Variants in NRAP observed in about 807,000 individuals in gnomAD.
NRAP encodes the protein nebulin-related-anchoring protein.
NRAP carries 189 observed loss-of-function variants against 225.9 expected under a neutral mutation model. The ratio of observed to expected loss-of-function variants is 0.84; its 90% CI spans 0.74 to 0.94. The LOEUF (loss-of-function observed/expected upper bound fraction) is 0.94. NRAP is among the 40% of genes least tolerant of loss of function. The probability of loss-of-function intolerance (pLI) is 0.00; values close to 1 mark genes in which losing one functional copy is unlikely to be tolerated. For synonymous variants in NRAP, 769 were observed against 790.7 expected, an observed-to-expected ratio of 0.97 and a Z score of 0.46; for missense variants, 2,176 against 2,168.7, an observed-to-expected ratio of 1.00 and a Z score of -0.07.
chr10:113,589,415 A>G, intron 41 of NRAP: 3 of 584,934 alleles, frequency 5.1e-6, no homozygotes, highest in South Asian at 2.2e-5. Context: ...GGATTGATGT[A>G]GCCCCGGTAG....
At position 113,595,833 on chromosome 10, in the gene NRAP, G is replaced by A. The variant is rs767938662; in HGVS notation, c.4432-106C>T. 16 of 722,554 alleles carry A rather than the reference G, an allele frequency of 2.2e-5. No homozygotes were observed. The East Asian group carries it at 2.9e-4, about 13-fold the overall frequency. 44.8% of individuals were successfully genotyped at this position (722,554 alleles called of 1,614,324 possible). A position where few individuals can be genotyped will look rare whatever the true frequency, so the allele number is the denominator to read the frequency against. On this transcript the variant is annotated intron_variant, in intron 37 of 41. Transcript: ENST00000359988. Reference sequence around the variant, plus strand: ...TGCCCCTCCCACCTGAGTGCCCACCGCATAGAACAGAACCCAGTCCTGCCC... The same window carrying A: ...TGCCCCTCCCACCTGAGTGCCCACCACATAGAACAGAACCCAGTCCTGCCC...
rs749073135 is a variant in NRAP at position 113,615,826 on chromosome 10, G to C, written c.2974-10C>G. The C allele has an allele frequency of 2.7e-5, 40 of 1,495,288 alleles. No homozygotes were observed. Among genetic ancestry groups the C allele is most frequent in the Non-Finnish European group, 3.5e-5 (37 of 1,072,246 alleles). 92.6% of individuals were successfully genotyped at this position (1,495,288 alleles called of 1,614,324 possible). On this transcript the variant is annotated splice_polypyrimidine_tract_variant and intron_variant, in intron 26 of 41. Coordinates refer to ENST00000359988, the MANE Select transcript of NRAP (RefSeq NM_198060.4). ...GTTCCCTGTATAATCTCTGTGGATG[G>C]AAGGAGGTTTTGCATGAAACCTAGA...
intron 24 of NRAP, 21 bp downstream of exon 24, chr10:113,621,848 A>G: frequency 6.3e-7 from 1 of 1,586,466 alleles, no homozygotes; most frequent in South Asian, 1.2e-5. Flanking sequence ...ACACAAGTGC[A>G]CACACTCACA....
At chr10:113,617,012 A>C (rs1003828668) in intron 26 of NRAP, among the ~76,000 whole-genome samples, 17 of 152,200 alleles carry the variant, frequency 1.1e-4, no homozygotes, top group Non-Finnish European at 1.8e-4. Context: ...TATATAAATC[A>C]GACCCAAATC....
intron 32 of NRAP, 127 bp downstream of exon 32, chr10:113,608,287 C>T (rs903284455): frequency 3.2e-6 from 2 of 627,152 alleles, no homozygotes; most frequent in African/African-American, 3.6e-5. Flanking sequence ...CATATAATGA[C>T]ATTCTTTTCT....
At chr10:113,597,370 AAC>A (rs869166419) in intron 36 of NRAP, among the ~76,000 whole-genome samples, 186 bp from the exon 37 acceptor site, 1 of 140,226 alleles carries the variant, frequency 7.1e-6, no homozygotes, top group African/African-American at 2.6e-5. Flanking sequence ...TGTGATATGG[AAC>A]ATTTTACAGG....
intron 32 of NRAP, among the ~76,000 whole-genome samples, chr10:113,608,029 C>CTATCTAGG (rs1847100714): frequency 2.0e-5 from 3 of 152,188 alleles, no homozygotes; most frequent in African/African-American, 4.8e-5. Context: ...AATTGGTTAG[C>CTATCTAGG]CAATATTTGC....
At chr10:113,601,289 T>C (rs1846584616) in intron 35 of NRAP, among the ~76,000 whole-genome samples, 1 of 152,218 alleles carries the variant, frequency 6.6e-6, no homozygotes, top group South Asian at 2.1e-4. Flanking sequence ...CTCTCTGGCC[T>C]GGGGAGGGCA....
At chr10:113,610,813 C>T (rs1847280046) in intron 30 of NRAP, among the ~76,000 whole-genome samples, 1 of 152,128 alleles carries the variant, frequency 6.6e-6, no homozygotes, top group African/African-American at 2.4e-5. Context: ...AGTAGCTGTT[C>T]CACAGAAGCG....
At chr10:113,591,541 G>A (rs1845993977) in intron 39 of NRAP, among the ~76,000 whole-genome samples, 1 of 152,190 alleles carries the variant, frequency 6.6e-6, no homozygotes, top group Non-Finnish European at 1.5e-5. Flanking sequence ...AAAATCCCAT[G>A]CTCTTAATTT....
chr10:113,591,064 T>C (rs1037486574), intron 39 of NRAP, among the ~76,000 whole-genome samples, 175 bp from the exon 40 acceptor site: 37 of 152,136 alleles, frequency 2.4e-4, no homozygotes, highest in African/African-American at 8.2e-4. Context: ...ACTGAGTTTC[T>C]CCATGAGCCT....
At chr10:113,657,329 TCTTCCATAG>T in intron 4 of NRAP, 132 bp downstream of exon 4, 1 of 605,614 alleles carries the variant, frequency 1.7e-6, no homozygotes, top group Non-Finnish European at 2.9e-6. Context: ...CTGATTGAGG[TCTTCCATAG>T]ACAGCTGGAA....
At chr10:113,653,894 G>C in intron 5 of NRAP, 127 bp downstream of exon 5, 2 of 728,030 alleles carry the variant, frequency 2.7e-6, no homozygotes, top group Non-Finnish European at 5.0e-6. Flanking sequence ...TCAGGGATTA[G>C]GACATGGGTA....
chr10:113,658,762 G>A (rs749721532), intron 3 of NRAP, among the ~76,000 whole-genome samples: 40 of 151,598 alleles, frequency 2.6e-4, no homozygotes, highest in Non-Finnish European at 4.4e-4. Flanking sequence ...CACGCCTGTA[G>A]TCCCAACTAC....
In NRAP at chr10:113,641,367, T is replaced by G; in HGVS notation, c.1321A>C (p.Asn441His). The change falls in exon 13 of 42, where the codon AAC (asparagine) becomes CAC (histidine). Residue 441 changes from asparagine (N) to histidine (H), a missense_variant and splice_region_variant. Physicochemically the swap from Asn to His is moderately conservative, Grantham distance 68 (BLOSUM62 1). Transcript: ENST00000359988. The part of the protein sequence containing the change: ...HAMKVGSLAS[N>H]VAYKADYKHD... Reference sequence around the variant, plus strand: ...GACCCTGGCATAAAAGGACTCACGTTGCTTGCCAGGCTGCCAACTTTCATA... The same window carrying G: ...GACCCTGGCATAAAAGGACTCACGTGGCTTGCCAGGCTGCCAACTTTCATA... The G allele has an allele frequency of 1.2e-6, 2 of 1,608,854 alleles. No individual in the cohort carries two copies. Among genetic ancestry groups the G allele is most frequent in the Non-Finnish European group, 1.7e-6 (2 of 1,175,406 alleles).
Position 113,631,958 on chromosome 10 carries a change from A to T in NRAP, c.1639T>A (p.Tyr547Asn). 1 of 1,591,418 alleles carries T rather than the reference A, an allele frequency of 6.3e-7. No individual in the cohort carries two copies. The highest frequency in any genetic ancestry group is 1.3e-5 in the African/African-American group (1 of 74,588). ...TNAKLFSEVK[Y>N]KEGWEKTKGK... ...TTTGTCTTCTCCCAGCCTTCTTTAT[A>T]CTTAACCTGACAAACAAAACCACAA... Residue 547 changes from tyrosine to asparagine, a missense_variant, in exon 17 of 42, where the codon TAT (tyrosine) becomes AAT (asparagine). By Grantham distance (143) the Tyr-to-Asn change is moderately radical. Transcript: ENST00000359988.
intron 23 of NRAP, among the ~76,000 whole-genome samples, 169 bp downstream of exon 23, chr10:113,623,359 AG>A (rs1848105985): frequency 6.6e-6 from 1 of 152,254 alleles, no homozygotes; most frequent in Non-Finnish European, 1.5e-5. Flanking sequence ...TTAAATAGAT[AG>A]GCACAGATGT....
intron 41 of NRAP, 122 bp from the exon 42 acceptor site, chr10:113,589,201 C>CT (rs1240886067): frequency 1.4e-6 from 1 of 726,694 alleles, no homozygotes; most frequent in African/African-American, 1.8e-5. Flanking sequence ...CCTCCCTTTC[C>CT]TTTTCCCCTC....
chr10:113,630,049 A>G (rs1284787692), intron 18 of NRAP, among the ~76,000 whole-genome samples: 1 of 151,752 alleles, frequency 6.6e-6, no homozygotes. Flanking sequence ...CCAGGAGAAA[A>G]CTCTATTCCC....
Sources: gnomAD v4.1 joint callset for allele counts (sites outside exome capture counted in the v4.1 genomes callset) on GRCh38, gnomAD v4.1.1 for gene constraint, MANE v1.5 for transcripts, NCBI Gene and HGNC (gene_info 2026-07-23, HGNC 2026-07-21) for gene names.